Variants in CIROZ observed in about 807,000 individuals in gnomAD.
The protein encoded by CIROZ is ciliated left-right organizer protein containing ZP-N domains, also known as ciliated left-right organizer ZP-N domains-containing protein.
the CIROZ span, among the ~76,000 whole-genome samples, chr1:10,966,727 T>A: frequency 6.6e-6 from 1 of 152,164 alleles, no homozygotes; most frequent in Non-Finnish European, 1.5e-5. Flanking sequence ...CCTCGGCTTG[T>A]GTCATTGCAG....
At chr1:10,964,551 C>T in the CIROZ span, among the ~76,000 whole-genome samples, 1 of 152,204 alleles carries the variant, frequency 6.6e-6, no homozygotes, top group Admixed American at 6.5e-5. Flanking sequence ...TAAGAGCTTG[C>T]GTCCTAATGT....
the CIROZ span, among the ~76,000 whole-genome samples, chr1:10,959,244 C>T: frequency 4.6e-5 from 7 of 152,312 alleles, no homozygotes; most frequent in Non-Finnish European, 7.4e-5. This position sits in a 1 kb window ranked among gnomAD's most constrained non-coding sequence, Gnocchi z 4.3. Context: ...CACCAACCAT[C>T]CCGGTTCCCC....
chr1:10,957,703 G>A, the CIROZ span: 32 of 1,614,018 alleles, frequency 2.0e-5, no homozygotes, highest in Admixed American at 1.0e-4. Flanking sequence ...TCAGGCTGGC[G>A]TCTTCAAGAG....
At chr1:10,966,432 A>C in the CIROZ span, 1 of 1,536,832 alleles carries the variant, frequency 6.5e-7, no homozygotes, top group East Asian at 2.4e-5. Flanking sequence ...TGCAGGAAGT[A>C]GCCACATTTA....
the CIROZ span, chr1:10,955,168 G>A: frequency 1.1e-5 from 18 of 1,604,354 alleles, no homozygotes; most frequent in South Asian, 7.7e-5. Context: ...TAAGACCTCC[G>A]ACTCTGGCTG....
At chr1:10,962,927 C>G in the CIROZ span, among the ~76,000 whole-genome samples, 3 of 152,182 alleles carry the variant, frequency 2.0e-5, no homozygotes, top group Non-Finnish European at 4.4e-5. Context: ...TGAGACCAGC[C>G]TGGGCAACAC....
chr1:10,960,140 C>G, the CIROZ span, among the ~76,000 whole-genome samples: 2 of 152,186 alleles, frequency 1.3e-5, no homozygotes, highest in African/African-American at 4.8e-5. This position sits in a 1 kb window ranked among gnomAD's most constrained non-coding sequence, Gnocchi z 4.6. Context: ...GGAATCTCAG[C>G]ACTTTGGGAG....
chr1:10,959,974 A>G, the CIROZ span, among the ~76,000 whole-genome samples: 55 of 152,164 alleles, frequency 3.6e-4, no homozygotes, highest in Non-Finnish European at 7.2e-4. This position sits in a 1 kb window ranked among gnomAD's most constrained non-coding sequence, Gnocchi z 4.3. Context: ...GCAATTCCTC[A>G]ACAACACCAC....
At chr1:10,958,685 C>G in the CIROZ span, 1 of 1,613,618 alleles carries the variant, frequency 6.2e-7, no homozygotes, top group Middle Eastern at 1.7e-4. Flanking sequence ...CAGAGAGTTG[C>G]TCCTGCTACT....
At chr1:10,955,100 T>C in the CIROZ span, 2 of 1,614,002 alleles carry the variant, frequency 1.2e-6, no homozygotes, top group Non-Finnish European at 1.7e-6. Context: ...AGGCTCAGGG[T>C]TTCCTCAATG....
the CIROZ span, among the ~76,000 whole-genome samples, chr1:10,959,375 C>T: frequency 3.3e-5 from 5 of 152,178 alleles, no homozygotes; most frequent in Non-Finnish European, 5.9e-5. The surrounding 1 kb of genome is among the most constrained non-coding windows in gnomAD (Gnocchi z 4.3). Flanking sequence ...CGTAGGGTGG[C>T]ACCATTCTCC....
the CIROZ span, among the ~76,000 whole-genome samples, chr1:10,978,489 A>C: frequency 6.7e-6 from 1 of 149,864 alleles, no homozygotes; most frequent in Non-Finnish European, 1.5e-5. Flanking sequence ...CAGGAGGATC[A>C]CTTGAGCCCA....
chr1:10,961,294 C>T, the CIROZ span, among the ~76,000 whole-genome samples: 1 of 151,732 alleles, frequency 6.6e-6, no homozygotes. Context: ...CGGGGCGGGG[C>T]CGGCCCCGCA....
At chr1:10,967,321 G>C in the CIROZ span, among the ~76,000 whole-genome samples, 19,032 of 151,678 alleles carry the variant, frequency 0.13, 3,922 homozygotes, top group African/African-American at 0.43. Flanking sequence ...CCCAGGCCCA[G>C]TCCTGCCTCA....
At chr1:10,960,753 T>A in the CIROZ span, among the ~76,000 whole-genome samples, 1 of 152,244 alleles carries the variant, frequency 6.6e-6, no homozygotes, top group Non-Finnish European at 1.5e-5. The surrounding 1 kb of genome is among the most constrained non-coding windows in gnomAD (Gnocchi z 4.6). Flanking sequence ...AATATCTATG[T>A]GCCCTGTGCC....
chr1:10,949,888 C>G, the CIROZ span: 2 of 1,310,176 alleles, frequency 1.5e-6, no homozygotes, highest in East Asian at 5.1e-5. Flanking sequence ...CTGAAGGGAC[C>G]ATGAGTGACC....
the CIROZ span, among the ~76,000 whole-genome samples, chr1:10,971,704 ACTT>A: frequency 1.3e-5 from 2 of 152,072 alleles, no homozygotes; most frequent in Non-Finnish European, 2.9e-5. Context: ...ATTTCTGTAT[ACTT>A]CTACTCGAGT....
the CIROZ span, chr1:10,964,134 G>A: frequency 6.2e-7 from 1 of 1,613,652 alleles, no homozygotes; most frequent in Non-Finnish European, 8.5e-7. Context: ...TTACCTGGAT[G>A]AACATGGGCC....
chr1:10,970,462 T>C, the CIROZ span, among the ~76,000 whole-genome samples: 2 of 152,018 alleles, frequency 1.3e-5, no homozygotes, highest in African/African-American at 4.8e-5. Flanking sequence ...ACTCCGTCTC[T>C]ACTAAAAAAT....
Sources: gnomAD v4.1 joint callset for allele counts (sites outside exome capture counted in the v4.1 genomes callset) on GRCh38, gnomAD v4.1.1 for gene constraint, Gnocchi (gnomAD v3.1) non-coding constraint, MANE v1.5 for transcripts, NCBI Gene and HGNC (gene_info 2026-07-23, HGNC 2026-07-21) for gene names.